Variants in SCG5 observed in about 807,000 individuals in gnomAD.
SCG5 encodes the protein neuroendocrine protein 7B2.
A neutral mutation model predicts 25.7 loss-of-function variants in SCG5; 18 were observed. The observed-to-expected ratio is 0.70, with a 90% CI of 0.48 to 1.04. The LOEUF is 1.04. Among genes scored for constraint, SCG5 ranks in the 50% least tolerant of loss-of-function variants. The probability of loss-of-function intolerance (pLI) is 0.00; values close to 1 mark genes in which losing one functional copy is unlikely to be tolerated. For missense variants in SCG5, 206 were observed against 259.8 expected (o/e 0.79, Z 1.42); for synonymous variants, 101 against 91.7 (o/e 1.10, Z -0.58).
intron 2 of SCG5, among the ~76,000 whole-genome samples, chr15:32,669,597 G>T (rs1201033001): frequency 6.6e-6 from 1 of 152,212 alleles, no homozygotes; most frequent in Non-Finnish European, 1.5e-5. Flanking sequence ...AAATTGCCAA[G>T]TTGAGACTTC....
chr15:32,683,753 T>C (rs1254012606), intron 3 of SCG5, among the ~76,000 whole-genome samples: 1 of 152,242 alleles, frequency 6.6e-6, no homozygotes, highest in African/African-American at 2.4e-5. Flanking sequence ...ATTTGATCCT[T>C]GAGCTCTGCT....
chr15:32,665,786 G>C lies in SCG5; in HGVS notation c.227-13980G>C, dbSNP rs550261815. 3.1e-4 allele frequency: 47 copies of C among 152,156 alleles called. 1 individual carries two copies. Among genetic ancestry groups the C allele is most frequent in the Admixed American group, 1.8e-3 (27 of 15,278 alleles). The allele number at this position is 152,156 out of a possible 1,614,324, so 9.4% of individuals were successfully genotyped here. The stretch of plus-strand genomic sequence containing the variant: ...TGCAGGATGGAGGGCTCCAGAGCTG[G>C]CAATTTGAGGAATGGCTGGTGGCTT... On this transcript the variant is annotated intron_variant, in intron 2 of 5. Coordinates refer to ENST00000300175, the MANE Select transcript of SCG5 (RefSeq NM_001144757.3).
chr15:32,691,987 T>A (rs747902117), intron 5 of SCG5: 73 of 1,411,532 alleles, frequency 5.2e-5, no homozygotes, highest in Non-Finnish European at 6.3e-5. Context: ...GAACGCGCAG[T>A]CTGTAGCAAT....
At chr15:32,647,569 C>G (rs1351945650) in intron 2 of SCG5, among the ~76,000 whole-genome samples, 3 of 152,084 alleles carry the variant, frequency 2.0e-5, no homozygotes, top group African/African-American at 7.2e-5. Flanking sequence ...TTTCTGCTGC[C>G]TTTCACAGCA....
chr15:32,659,550 CTGG>C (rs1375131915), intron 2 of SCG5, among the ~76,000 whole-genome samples: 1 of 152,212 alleles, frequency 6.6e-6, no homozygotes, highest in Non-Finnish European at 1.5e-5. Context: ...CCTGGCACTA[CTGG>C]TCAGTTCCCC....
At chr15:32,659,190 A>C (rs954999296) in intron 2 of SCG5, among the ~76,000 whole-genome samples, 3 of 149,490 alleles carry the variant, frequency 2.0e-5, no homozygotes, top group Non-Finnish European at 3.0e-5. Flanking sequence ...AAAAACAAAC[A>C]AAAAAAACCA....
Position 32,680,737 on chromosome 15 carries a change from G to A in SCG5, c.376+822G>A, listed in dbSNP as rs867174859. On this transcript the variant is annotated intron_variant, in intron 3 of 5. Transcript: ENST00000300175. Reference sequence around the variant, plus strand: ...CAGGAGGTGGCATGGGAGAGAAGAGGTTCAGGAAGAAGCTGGTTAAGGAAG... The same window carrying A: ...CAGGAGGTGGCATGGGAGAGAAGAGATTCAGGAAGAAGCTGGTTAAGGAAG... 2.0e-5 allele frequency among the ~76,000 whole-genome samples: 3 copies of A among 152,264 alleles called. No individual in the cohort carries two copies. In the East Asian group the frequency reaches 5.8e-4, roughly 29 times the overall value.
At chr15:32,644,353 A>G (rs1452636581) in intron 2 of SCG5, among the ~76,000 whole-genome samples, 1 of 152,246 alleles carries the variant, frequency 6.6e-6, no homozygotes, top group Non-Finnish European at 1.5e-5. Context: ...AAGAGGAGAC[A>G]AAAGAGGTAC....
At chr15:32,693,529 A>T (rs2054901132) in intron 5 of SCG5, among the ~76,000 whole-genome samples, 1 of 152,180 alleles carries the variant, frequency 6.6e-6, no homozygotes, top group South Asian at 2.1e-4. Flanking sequence ...GTCTCAGATG[A>T]TGTTCCCATC....
At chr15:32,673,872 T>C (rs1322129786) in intron 2 of SCG5, among the ~76,000 whole-genome samples, 1 of 152,040 alleles carries the variant, frequency 6.6e-6, no homozygotes, top group African/African-American at 2.4e-5. Flanking sequence ...TAGTTGGGAT[T>C]ACAGGCGCCT....
intron 2 of SCG5, among the ~76,000 whole-genome samples, chr15:32,668,559 AT>A (rs2054361089): frequency 2.0e-5 from 3 of 152,212 alleles, no homozygotes; most frequent in Non-Finnish European, 2.9e-5. Flanking sequence ...GGGGCTCTGA[AT>A]GGGCACAGCG....
rs2054867957 is a variant in SCG5, at chr15:32,692,018, C to G, written c.543+255C>G. ...GCAATTCTAGCAACTCCATTCCGTTCAGGAAATGTGTATTGCTTCCCCCAT... is the reference window on the plus strand; with the variant it reads ...GCAATTCTAGCAACTCCATTCCGTTGAGGAAATGTGTATTGCTTCCCCCAT... On this transcript the variant is annotated intron_variant, in intron 5 of 5. Coordinates refer to ENST00000300175, the MANE Select transcript of SCG5 (RefSeq NM_001144757.3). 2.2e-6 allele frequency: 3 copies of G among 1,362,588 alleles called. No homozygotes were observed. The East Asian group carries it at 8.5e-5, about 39-fold the overall frequency. The allele number at this position is 1,362,588 out of a possible 1,614,324, so 84.4% of individuals were successfully genotyped here. A position where few individuals can be genotyped will look rare whatever the true frequency, so the allele number is the denominator to read the frequency against.
chr15:32,643,196 A>C (rs1196604944), intron 1 of SCG5, among the ~76,000 whole-genome samples: 1 of 152,208 alleles, frequency 6.6e-6, no homozygotes, highest in Non-Finnish European at 1.5e-5. Context: ...CCAAGATGCC[A>C]CTATCTCTTT....
At chr15:32,687,901 A>G (rs1001136495) in intron 4 of SCG5, among the ~76,000 whole-genome samples, 6 of 152,254 alleles carry the variant, frequency 3.9e-5, no homozygotes, top group African/African-American at 9.6e-5. Context: ...TACATAATAC[A>G]TAATACTATA....
At chr15:32,672,291 T>A (rs1447735189) in intron 2 of SCG5, among the ~76,000 whole-genome samples, 4 of 152,232 alleles carry the variant, frequency 2.6e-5, no homozygotes, top group African/African-American at 9.6e-5. Context: ...CAATTCTTTA[T>A]TGCCCAGCGC....
intron 3 of SCG5, among the ~76,000 whole-genome samples, chr15:32,681,184 A>G (rs764577396): frequency 6.6e-6 from 1 of 152,140 alleles, no homozygotes; most frequent in Non-Finnish European, 1.5e-5. Context: ...TGCAAGCCTA[A>G]TAATAATAAT....
rs993378870 is a variant in SCG5 at position 32,696,836 on chromosome 15, G to T, written c.*227G>T. The T allele has an allele frequency of 3.1e-5, 12 of 386,062 alleles. No individual in the cohort carries two copies. Among genetic ancestry groups the T allele is most frequent in the Non-Finnish European group, 5.1e-5 (11 of 215,220 alleles). 23.9% of individuals were successfully genotyped at this position (386,062 alleles called of 1,614,324 possible). A position where few individuals can be genotyped will look rare whatever the true frequency, so the allele number is the denominator to read the frequency against. ...TCTTGGGTTTTTAAAATGTGAATCT[G>T]CAATGATCATAAAAATTAAAATGTG... On this transcript the variant is annotated 3_prime_UTR_variant, in exon 6 of 6. Transcript: ENST00000300175.
intron 4 of SCG5, 112 bp from the exon 5 acceptor site, chr15:32,691,598 A>G (rs1308891853): frequency 4.9e-6 from 4 of 820,812 alleles, no homozygotes; most frequent in African/African-American, 1.7e-5. Context: ...TGTTTCCAAA[A>G]TATGCGTATG....
intron 2 of SCG5, among the ~76,000 whole-genome samples, chr15:32,661,223 G>A (rs1490336358): frequency 2.6e-5 from 4 of 152,174 alleles, no homozygotes; most frequent in Non-Finnish European, 4.4e-5. Flanking sequence ...TTACACCCTC[G>A]GTACCATTTA....
Sources: allele counts gnomAD v4.1 joint callset (sites outside exome capture counted in the v4.1 genomes callset), GRCh38; gene constraint gnomAD v4.1.1; transcripts MANE v1.5; gene names NCBI Gene and HGNC (gene_info 2026-07-23, HGNC 2026-07-21).